The following RAD1 variants were observed in gnomAD, a reference collection of about 807,000 sequenced individuals.
The protein encoded by RAD1 is RAD1 checkpoint DNA exonuclease.
A neutral mutation model predicts 30.0 loss-of-function variants in RAD1; 21 were observed. That is an observed-to-expected ratio of 0.70 (90% CI 0.50 to 1.01). RAD1 has a LOEUF of 1.01. RAD1 is among the 50% of genes least tolerant of loss of function. RAD1 has a pLI of 0.00. For synonymous variants in RAD1, 109 were observed against 113.6 expected (o/e 0.96, Z 0.26); for missense variants, 329 against 329.0 (o/e 1.00, Z 0.00).
intron 2 of RAD1, chr5:34,914,417 C>T: frequency 2.4e-6 from 1 of 420,874 alleles, no homozygotes; most frequent in Non-Finnish European, 4.3e-6. Context: ...AGACTGTAGC[C>T]TAGCCAATAG....
chr5:34,913,457 G>T lies in RAD1; in HGVS notation c.307+13C>A. The T allele has an allele frequency of 6.8e-7, 1 of 1,462,502 alleles. No individual in the cohort carries two copies. Among genetic ancestry groups the T allele is most frequent in the Non-Finnish European group, 9.4e-7 (1 of 1,062,768 alleles). 90.6% of individuals were successfully genotyped at this position (1,462,502 alleles called of 1,614,324 possible). Reference sequence around the variant, plus strand: ...TATAACACTTTTATGTCTTTATACTGATCATAGTTTACCTGGCATAGGACT... The same window carrying T: ...TATAACACTTTTATGTCTTTATACTTATCATAGTTTACCTGGCATAGGACT... On this transcript the variant is annotated intron_variant, in intron 3 of 5. Transcript: ENST00000382038.
In RAD1 at chr5:34,906,711, T is replaced by C. The variant is rs879937777; in HGVS notation, c.*2054A>G. The C allele has an allele frequency of 1.3e-5, 2 of 152,180 alleles. No homozygotes were observed. Among genetic ancestry groups the C allele is most frequent in the African/African-American group, 4.8e-5 (2 of 41,438 alleles). 9.4% of individuals were successfully genotyped at this position (152,180 alleles called of 1,614,324 possible). On this transcript the variant is annotated 3_prime_UTR_variant, in exon 6 of 6. Coordinates refer to ENST00000382038, the MANE Select transcript of RAD1 (RefSeq NM_002853.4). ...ATCATCAGAATTAAGTAGTGACTAA[T>C]AAGATGCTAAAAGAAAATCTGAAAT...
In RAD1 at chr5:34,911,694, G is replaced by C. The variant is rs1253827312; in HGVS notation, c.426C>G (p.Thr142=). The C allele has an allele frequency of 6.2e-6, 10 of 1,614,018 alleles. No individual in the cohort carries two copies. In the East Asian group the frequency reaches 2.0e-4, roughly 32 times the overall value. The change falls in exon 4 of 6, where the codon ACC becomes ACG. Residue 142 remains threonine, a synonymous_variant. Coordinates refer to ENST00000382038, the MANE Select transcript of RAD1 (RefSeq NM_002853.4). ...TGGTGCTGCAGAAATCAAAGTCCAG[G>C]GTCTCCTCAGGTTCCTGTGTATTGA... ...CKINTQEPEE[T]LDFDFCSTNV...
chr5:34,910,183 C>G (rs549214556), intron 4 of RAD1, among the ~76,000 whole-genome samples: 3 of 152,214 alleles, frequency 2.0e-5, no homozygotes, highest in Admixed American at 2.0e-4. Flanking sequence ...AATTTCAACT[C>G]CTACCTCCCT....
In RAD1 at chr5:34,908,923, A is replaced by G; in HGVS notation, c.691T>C (p.Ser231Pro). The G allele has an allele frequency of 3.1e-6, 5 of 1,608,348 alleles. No individual in the cohort carries two copies. The highest frequency in any genetic ancestry group is 4.2e-6 in the Non-Finnish European group (5 of 1,178,476). Reference sequence around the variant, plus strand: ...CAAGATAGGACTAATGCCTTTGTAGAGGGTTTCAGTAAGGAAATCTTGTAT... The same window carrying G: ...CAAGATAGGACTAATGCCTTTGTAGGGGGTTTCAGTAAGGAAATCTTGTAT... ...NRYKISLLKP[S>P]TKALVLSCKV... Residue 231 changes from serine to proline, a missense_variant, in exon 6 of 6, where the codon TCT (serine) becomes CCT (proline). Coordinates refer to ENST00000382038, the MANE Select transcript of RAD1 (RefSeq NM_002853.4).
chr5:34,913,546 T>C lies in RAD1; in HGVS notation c.231A>G (p.Glu77=). The C allele has an allele frequency of 1.2e-6, 2 of 1,600,550 alleles. No homozygotes were observed. The highest frequency in any genetic ancestry group is 1.7e-6 in the Non-Finnish European group (2 of 1,173,156). Residue 77 remains glutamate (E), a synonymous_variant, in exon 3 of 6, where the codon GAA becomes GAG. Transcript: ENST00000382038. ...AATTAATTCGAAAAGTAACAGACTC[T>C]TCCTGAACTTTAAACTCCTGAAATA... ...AGIFQEFKVQ[E]ESVTFRINLT...
chr5:34,910,019 ATC>A (rs977138708), intron 4 of RAD1, among the ~76,000 whole-genome samples: 5 of 151,710 alleles, frequency 3.3e-5, no homozygotes, highest in African/African-American at 9.7e-5. Context: ...TTCTAATATA[ATC>A]TCTCTCTCTG....
chr5:34,911,547 C>G lies in RAD1; in HGVS notation c.566+7G>C. On this transcript the variant is annotated splice_region_variant and intron_variant, in intron 4 of 5. Transcript: ENST00000382038. ...ACATTAACTATAACTGCACTGCTCTCAAGTACCTGAAATAAGGCTTGTCAG... is the reference window on the plus strand; with the variant it reads ...ACATTAACTATAACTGCACTGCTCTGAAGTACCTGAAATAAGGCTTGTCAG... The G allele has an allele frequency of 1.9e-6, 3 of 1,613,822 alleles. No homozygotes were observed. The highest frequency in any genetic ancestry group is 2.5e-6 in the Non-Finnish European group (3 of 1,179,838).
chr5:34,911,964 C>CTTT, intron 3 of RAD1, 152 bp from the exon 4 acceptor site: 2 of 913,130 alleles, frequency 2.2e-6, no homozygotes, highest in Non-Finnish European at 3.3e-6. Context: ...GACATCTTCC[C>CTTT]TGATGACAGT....
At chr5:34,913,625 C>A in intron 2 of RAD1, 47 bp from the exon 3 acceptor site, 1 of 1,160,774 alleles carries the variant, frequency 8.6e-7, no homozygotes, top group Non-Finnish European at 1.2e-6. Context: ...AGAATAAAAA[C>A]TAATAATATA....
chr5:34,910,033 C>G (rs1331888891), intron 4 of RAD1, among the ~76,000 whole-genome samples: 1 of 152,116 alleles, frequency 6.6e-6, no homozygotes, highest in Non-Finnish European at 1.5e-5. Context: ...CTCTCTCTGA[C>G]CCGTCTCATC....
rs772699771 is a variant in RAD1, at chr5:34,906,651, T to TA, written c.*2113dup. On this transcript the variant is annotated 3_prime_UTR_variant, in exon 6 of 6. Coordinates refer to ENST00000382038, the MANE Select transcript of RAD1 (RefSeq NM_002853.4). ...AAGATCTTGTCTCCAAAAATAAAAA[T>TA]AAAAAAACTGAGATCAAAATAAATT... 4.6e-5 allele frequency: 7 copies of TA among 151,810 alleles called. No individual in the cohort carries two copies. The highest frequency in any genetic ancestry group is 8.8e-5 in the Non-Finnish European group (6 of 67,936). 9.4% of individuals were successfully genotyped at this position (151,810 alleles called of 1,614,324 possible).
At chr5:34,909,156 T>A in intron 5 of RAD1, 102 bp downstream of exon 5, 1 of 988,290 alleles carries the variant, frequency 1.0e-6, no homozygotes, top group Non-Finnish European at 1.5e-6. Context: ...TATAAAATGC[T>A]GTGCATTTTA....
At position 34,907,081 on chromosome 5, in the gene RAD1, C is replaced by G. The variant is rs1580504647; in HGVS notation, c.*1684G>C. On this transcript the variant is annotated 3_prime_UTR_variant, in exon 6 of 6. Transcript: ENST00000382038. ...TATCAGGTGCTGACCCTGGCCACCTCCCAGAATTGTCCATATGCCTGGGAA... is the reference window on the plus strand; with the variant it reads ...TATCAGGTGCTGACCCTGGCCACCTGCCAGAATTGTCCATATGCCTGGGAA... 1 of 152,172 alleles carries G rather than the reference C, an allele frequency of 6.6e-6. No homozygotes were observed. The highest frequency in any genetic ancestry group is 1.9e-4 in the East Asian group (1 of 5,204). The allele number at this position is 152,172 out of a possible 1,614,324, so 9.4% of individuals were successfully genotyped here. A position where few individuals can be genotyped will look rare whatever the true frequency, so the allele number is the denominator to read the frequency against.
intron 3 of RAD1, 79 bp from the exon 4 acceptor site, chr5:34,911,891 T>C: frequency 6.7e-7 from 1 of 1,488,766 alleles, no homozygotes; most frequent in Non-Finnish European, 9.1e-7. Flanking sequence ...TACATAAAAT[T>C]TCTCAAGAAT....
intron 1 of RAD1, among the ~76,000 whole-genome samples, chr5:34,915,211 G>A (rs750288813): frequency 6.6e-6 from 1 of 152,214 alleles, no homozygotes; most frequent in Non-Finnish European, 1.5e-5. Flanking sequence ...GGTATCTCCC[G>A]GCCAAACAGG....
chr5:34,909,414 C>T, intron 4 of RAD1, 58 bp from the exon 5 acceptor site: 1 of 1,228,870 alleles, frequency 8.1e-7, no homozygotes, highest in Non-Finnish European at 1.2e-6. Flanking sequence ...ACATTAGGAT[C>T]CAAATAAAGA....
chr5:34,909,645 C>G (rs894925359), intron 4 of RAD1, among the ~76,000 whole-genome samples: 6 of 152,110 alleles, frequency 3.9e-5, no homozygotes, highest in Non-Finnish European at 8.8e-5. Context: ...ATCCTTAAGT[C>G]AGAAATATAT....
At chr5:34,912,522 T>C (rs1395624101) in intron 3 of RAD1, among the ~76,000 whole-genome samples, 1 of 151,818 alleles carries the variant, frequency 6.6e-6, no homozygotes, top group Non-Finnish European at 1.5e-5. Flanking sequence ...TGGAATTGTC[T>C]GTGGAAACGT....
Sources: gnomAD v4.1 joint callset for allele counts (sites outside exome capture counted in the v4.1 genomes callset) on GRCh38, gnomAD v4.1.1 for gene constraint, MANE v1.5 for transcripts, NCBI Gene and HGNC (gene_info 2026-07-23, HGNC 2026-07-21) for gene names.